The following ANGPT4 variants were observed in gnomAD, a reference collection of about 807,000 sequenced individuals.
The protein encoded by ANGPT4 is angiopoietin 4.
Under a neutral mutation model 53.0 loss-of-function variants are expected in ANGPT4, and 50 were observed. The observed-to-expected ratio is 0.94, with a 90% CI of 0.75 to 1.20. ANGPT4 has a LOEUF of 1.20. Among genes scored for constraint, ANGPT4 ranks in the 50% most tolerant of loss-of-function variants. The pLI is 0.00. For missense variants in ANGPT4, 648 were observed against 637.1 expected (o/e 1.02, Z -0.18); for synonymous variants, 251 against 259.7 (o/e 0.97, Z 0.32).
chr20:909,660 G>C (rs1237171600), intron 1 of ANGPT4, among the ~76,000 whole-genome samples: 1 of 152,212 alleles, frequency 6.6e-6, no homozygotes, highest in Non-Finnish European at 1.5e-5. Flanking sequence ...GCTTCTGTTA[G>C]TGTCCTCACT....
intron 1 of ANGPT4, among the ~76,000 whole-genome samples, chr20:901,767 T>C (rs1982296540): frequency 6.6e-6 from 1 of 152,092 alleles, no homozygotes; most frequent in African/African-American, 2.4e-5. Flanking sequence ...AGAACAAAAT[T>C]AGCTGAAGGT....
At chr20:884,572 A>G (rs745647765) in intron 4 of ANGPT4, among the ~76,000 whole-genome samples, 5 of 152,236 alleles carry the variant, frequency 3.3e-5, no homozygotes, top group Non-Finnish European at 5.9e-5. Flanking sequence ...TTCTTGACCC[A>G]GAAGCCAGGG....
At position 873,064 on chromosome 20, in the gene ANGPT4, G is replaced by A; in HGVS notation, c.1408C>T (p.Pro470Ser). 1 of 1,614,064 alleles carries A rather than the reference G, an allele frequency of 6.2e-7. No individual in the cohort carries two copies. Among genetic ancestry groups the A allele is most frequent in the Non-Finnish European group, 8.5e-7 (1 of 1,180,010 alleles). ...SNLNGVYYHA[P>S]DNKYKMDGIR... The stretch of plus-strand genomic sequence containing the variant: ...CCGTCCATCTTGTACTTGTTGTCGG[G>A]AGCGTGGTAGTAGACGCCGTTGAGG... Residue 470 changes from proline to serine, a missense_variant, in exon 9 of 9, where the codon CCC (proline) becomes TCC (serine). Pro to Ser is a moderately conservative substitution (Grantham distance 74). Coordinates refer to ENST00000381922, the MANE Select transcript of ANGPT4 (RefSeq NM_015985.4).
intron 4 of ANGPT4, among the ~76,000 whole-genome samples, chr20:882,843 A>G (rs1459271362): frequency 6.6e-6 from 1 of 152,210 alleles, no homozygotes; most frequent in African/African-American, 2.4e-5. Flanking sequence ...TGAAATACTC[A>G]CCATGTATTG....
chr20:888,766 G>A (rs560514599), intron 2 of ANGPT4, among the ~76,000 whole-genome samples: 1 of 152,160 alleles, frequency 6.6e-6, no homozygotes, highest in Non-Finnish European at 1.5e-5. Context: ...CCTCTCTCCT[G>A]CTCTGTGGCC....
rs1345162846 is a variant in ANGPT4 at position 908,394 on chromosome 20, G to C, written c.309+7512C>G. On this transcript the variant is annotated intron_variant, in intron 1 of 8. Coordinates refer to ENST00000381922, the MANE Select transcript of ANGPT4 (RefSeq NM_015985.4). The surrounding 1 kb of genome is among the most constrained non-coding windows in gnomAD (Gnocchi z 4.9). Reference sequence around the variant, plus strand: ...ACTTGCTGTCCCGTGTGCCTGGAATGCTTTTGCTTCCTTTCCCTGTCTCGC... The same window carrying C: ...ACTTGCTGTCCCGTGTGCCTGGAATCCTTTTGCTTCCTTTCCCTGTCTCGC... 1.3e-5 allele frequency among the ~76,000 whole-genome samples: 2 copies of C among 152,178 alleles called. No individual in the cohort carries two copies. The highest frequency in any genetic ancestry group is 2.9e-5 in the Non-Finnish European group (2 of 68,038).
At chr20:899,336 C>T (rs1470854194) in intron 1 of ANGPT4, among the ~76,000 whole-genome samples, 1 of 151,956 alleles carries the variant, frequency 6.6e-6, no homozygotes, top group Non-Finnish European at 1.5e-5. Flanking sequence ...CAAGCTCCAT[C>T]TCCCAGGTTC....
At position 911,439 on chromosome 20, in the gene ANGPT4, G is replaced by C. The variant is rs1982692738; in HGVS notation, c.309+4467C>G. 6.6e-6 allele frequency among the ~76,000 whole-genome samples: 1 copy of C among 152,226 alleles called. No individual in the cohort carries two copies. The highest frequency in any genetic ancestry group is 2.4e-5 in the African/African-American group (1 of 41,466). On this transcript the variant is annotated intron_variant, in intron 1 of 8. Transcript: ENST00000381922. This position sits in a 1 kb window ranked among gnomAD's most constrained non-coding sequence, Gnocchi z 4.9. ...TGGTCATTTGGCAGATGTGCCCTGG[G>C]TCTTCAGTGTGGACACTCGGGGAGG...
intron 7 of ANGPT4, 33 bp from the exon 8 acceptor site, chr20:874,447 G>A (rs1260878597): frequency 3.7e-6 from 6 of 1,611,692 alleles, no homozygotes; most frequent in South Asian, 2.2e-5. Context: ...GGTGGCAGAA[G>A]GGCCCAGAGT....
intron 3 of ANGPT4, among the ~76,000 whole-genome samples, chr20:885,775 T>C (rs73582830): frequency 0.012 from 1,770 of 152,324 alleles, 34 homozygotes; most frequent in African/African-American, 0.041. Context: ...CCTGGAAATG[T>C]TCCGCAGTCA....
chr20:870,560 T>C lies in ANGPT4; in HGVS notation c.*2400A>G, dbSNP rs1166409608. The C allele has an allele frequency of 1.3e-5, 2 of 151,992 alleles. No individual in the cohort carries two copies. Among genetic ancestry groups the C allele is most frequent in the African/African-American group, 4.8e-5 (2 of 41,342 alleles). The allele number at this position is 151,992 out of a possible 1,614,324, so 9.4% of individuals were successfully genotyped here. A position where few individuals can be genotyped will look rare whatever the true frequency, so the allele number is the denominator to read the frequency against. ...AAAATAAAATTACATAAAGAACAGG[T>C]GTCTGAGGATAACTCAAATCAGCTT... On this transcript the variant is annotated 3_prime_UTR_variant, in exon 9 of 9. Transcript: ENST00000381922.
rs145850995 is a variant in ANGPT4 at position 875,518 on chromosome 20, C to T, written c.1221-1104G>A. Among the ~76,000 whole-genome samples the T allele has an allele frequency of 3.8e-3, 584 of 152,320 alleles. 1 individual carries two copies. Among genetic ancestry groups the T allele is most frequent in the Non-Finnish European group, 5.7e-3 (390 of 68,030 alleles). On this transcript the variant is annotated intron_variant, in intron 7 of 8. Transcript: ENST00000381922. ...GGGGCAGAAAGCCTGGATTCAAATTCCAGCTCTACCACTTAGAGCTGCATG... is the reference window on the plus strand; with the variant it reads ...GGGGCAGAAAGCCTGGATTCAAATTTCAGCTCTACCACTTAGAGCTGCATG...
intron 1 of ANGPT4, among the ~76,000 whole-genome samples, chr20:900,321 A>C (rs6039123): frequency 0.34 from 51,965 of 151,940 alleles, 10,318 homozygotes; most frequent in African/African-American, 0.55. Flanking sequence ...CTCCTCTAGG[A>C]AGTTACCCCA....
At chr20:909,904 G>A (rs1309031877) in intron 1 of ANGPT4, among the ~76,000 whole-genome samples, 2 of 152,200 alleles carry the variant, frequency 1.3e-5, no homozygotes, top group Non-Finnish European at 2.9e-5. Flanking sequence ...AGCTGCCTGA[G>A]GCCCTACCTG....
intron 4 of ANGPT4, among the ~76,000 whole-genome samples, chr20:884,745 GT>G (rs1444229452): frequency 6.6e-6 from 1 of 152,148 alleles, no homozygotes; most frequent in African/African-American, 2.4e-5. Context: ...GCCCAAGAAA[GT>G]GGGGCTGGAG....
At chr20:873,366 C>T (rs758353406) in intron 8 of ANGPT4, among the ~76,000 whole-genome samples, 2 of 151,984 alleles carry the variant, frequency 1.3e-5, no homozygotes, top group Non-Finnish European at 2.9e-5. Context: ...TTGCTCCTCC[C>T]GGCCTTCTCC....
At chr20:888,179 C>G (rs941765300) in intron 3 of ANGPT4, 139 bp downstream of exon 3, 8 of 1,208,450 alleles carry the variant, frequency 6.6e-6, no homozygotes, top group Non-Finnish European at 9.0e-6. Flanking sequence ...CAGGCCCTAT[C>G]CCAGACACCA....
intron 1 of ANGPT4, among the ~76,000 whole-genome samples, chr20:909,360 T>G (rs1982611268): frequency 6.6e-6 from 1 of 152,192 alleles, no homozygotes; most frequent in South Asian, 2.1e-4. Flanking sequence ...ACCAGCCATT[T>G]GAGCCTCACA....
At chr20:879,692 G>GCCCAA in intron 6 of ANGPT4, 55 bp downstream of exon 6, 2 of 1,507,294 alleles carry the variant, frequency 1.3e-6, no homozygotes, top group Non-Finnish European at 1.8e-6. Flanking sequence ...CAACAGCCCA[G>GCCCAA]CCCCAGCCCC....
Sources: gnomAD v4.1 joint callset for allele counts (sites outside exome capture counted in the v4.1 genomes callset) on GRCh38, gnomAD v4.1.1 for gene constraint, Gnocchi (gnomAD v3.1) non-coding constraint, MANE v1.5 for transcripts, NCBI Gene and HGNC (gene_info 2026-07-23, HGNC 2026-07-21) for gene names.